PLCB4: variants seen among roughly 807,000 people sequenced by gnomAD.
The protein encoded by PLCB4 is phospholipase C beta 4.
PLCB4 carries 77 observed loss-of-function variants against 178.8 expected under a neutral mutation model. The observed-to-expected ratio is 0.43, with a 90% confidence interval of 0.36 to 0.52. The LOEUF (loss-of-function observed/expected upper bound fraction) is 0.52, where lower values mean the gene tolerates loss of function less well. PLCB4 is among the 20% of genes least tolerant of loss of function. The pLI is 0.00. For missense variants in PLCB4, 1,024 were observed against 1,453.4 expected (o/e 0.70, Z 4.80); for synonymous variants, 496 against 490.8 (o/e 1.01, Z -0.14).
In PLCB4 at chr20:9,400,474, TA is replaced by T. The variant is rs897611426; in HGVS notation, c.1511-1009del. Among the ~76,000 whole-genome samples, 63 of 152,308 alleles carry T rather than the reference TA, an allele frequency of 4.1e-4. 1 individual carries two copies. Among genetic ancestry groups the T allele is most frequent in the Non-Finnish European group, 5.0e-4 (34 of 68,016 alleles). On this transcript the variant is annotated intron_variant, in intron 19 of 39. Transcript: ENST00000378473. ...CTCCTTTGTACTTTTAAACATGCTT[TA>T]AAAAAATCTATCTCATTCTTATGGG...
At chr20:9,427,990 C>T (rs1384996057) in intron 28 of PLCB4, among the ~76,000 whole-genome samples, 2 of 152,168 alleles carry the variant, frequency 1.3e-5, no homozygotes, top group Non-Finnish European at 2.9e-5. Flanking sequence ...AAGTGACCCT[C>T]TATTTCTTTG....
chr20:9,471,297 A>C (rs1027223652), intron 36 of PLCB4, among the ~76,000 whole-genome samples: 4 of 152,200 alleles, frequency 2.6e-5, no homozygotes, highest in African/African-American at 9.6e-5. Context: ...TAAATTTAAA[A>C]AGCAAAAAAT....
intron 2 of PLCB4, among the ~76,000 whole-genome samples, chr20:9,181,509 A>C (rs1234858272): frequency 1.3e-5 from 2 of 152,130 alleles, no homozygotes; most frequent in African/African-American, 4.8e-5. Context: ...ACCGTTGTGG[A>C]GGCTGGAAGT....
intron 7 of PLCB4, among the ~76,000 whole-genome samples, chr20:9,346,061 T>C (rs16811): frequency 0.28 from 42,268 of 152,128 alleles, 8,895 homozygotes; most frequent in African/African-American, 0.6. Context: ...TACTGATATT[T>C]AACCACAGCA....
At chr20:9,129,707 G>A (rs879607702) in intron 2 of PLCB4, among the ~76,000 whole-genome samples, 15 of 152,098 alleles carry the variant, frequency 9.9e-5, no homozygotes, top group East Asian at 7.7e-4. Context: ...GTGATGTTCC[G>A]AATAAAATTA....
At chr20:9,086,714 G>A (rs2090438717) in intron 1 of PLCB4, among the ~76,000 whole-genome samples, 1 of 152,102 alleles carries the variant, frequency 6.6e-6, no homozygotes, top group African/African-American at 2.4e-5. Flanking sequence ...TGATCAAATA[G>A]GTTGGTTGCT....
rs536429567 is a variant in PLCB4, at chr20:9,102,118, T to G, written c.-79+5776T>G. Among the ~76,000 whole-genome samples, 62 of 152,310 alleles carry G rather than the reference T, an allele frequency of 4.1e-4. No individual in the cohort carries two copies. The Middle Eastern group carries it at 0.014, about 33-fold the overall frequency. ...CCTCAGCCTCCCAAATTGCTAGGATTACAGGCATGAGCCACCGCACCTGGC... is the reference window on the plus strand; with the variant it reads ...CCTCAGCCTCCCAAATTGCTAGGATGACAGGCATGAGCCACCGCACCTGGC... On this transcript the variant is annotated intron_variant, in intron 2 of 39. Transcript: ENST00000378473.
chr20:9,113,185 G>A (rs1490252191), intron 2 of PLCB4, among the ~76,000 whole-genome samples: 1 of 152,164 alleles, frequency 6.6e-6, no homozygotes, highest in Non-Finnish European at 1.5e-5. Context: ...TTCTTTTTCT[G>A]AGGGTTGTGC....
At chr20:9,190,194 C>T (rs763826669) in intron 2 of PLCB4, among the ~76,000 whole-genome samples, 3 of 152,062 alleles carry the variant, frequency 2.0e-5, no homozygotes, top group Non-Finnish European at 4.4e-5. Flanking sequence ...GGTGAGGATA[C>T]CTAGAAGCTG....
intron 3 of PLCB4, among the ~76,000 whole-genome samples, chr20:9,286,943 T>C (rs2223409): frequency 0.26 from 39,721 of 151,962 alleles, 5,352 homozygotes; most frequent in East Asian, 0.37. Context: ...GCCAGGTCTC[T>C]AGTCTGTGAG....
intron 2 of PLCB4, among the ~76,000 whole-genome samples, chr20:9,148,857 C>T (rs1313944228): frequency 6.6e-6 from 1 of 152,206 alleles, no homozygotes; most frequent in Admixed American, 6.5e-5. Context: ...CTTCCAGCCT[C>T]ATCCTTTTAG....
At chr20:9,394,217 T>C (rs896156138) in intron 18 of PLCB4, among the ~76,000 whole-genome samples, 3 of 152,192 alleles carry the variant, frequency 2.0e-5, no homozygotes, top group Non-Finnish European at 2.9e-5. Context: ...ATTAATGGTA[T>C]CAAATATTGG....
chr20:9,211,661 G>GATAA (rs10627315), intron 2 of PLCB4, among the ~76,000 whole-genome samples: 12,279 of 152,138 alleles, frequency 0.081, 1,115 homozygotes, highest in African/African-American at 0.22. Flanking sequence ...ATACAACCAT[G>GATAA]ATAATGATGG....
chr20:9,163,048 C>A lies in PLCB4; in HGVS notation c.-78-54342C>A, dbSNP rs568647831. On this transcript the variant is annotated intron_variant, in intron 2 of 39. Coordinates refer to ENST00000378473, the MANE Select transcript of PLCB4 (RefSeq NM_001377142.1). ...ACCTGGGGATGGGAATAGATGCACA[C>A]AGTTGTCTTTTGCAGGCCTTGGAAG... Among the ~76,000 whole-genome samples the A allele has an allele frequency of 5.5e-4, 83 of 152,222 alleles. 1 individual carries two copies. In the South Asian group the frequency reaches 0.014, roughly 26 times the overall value.
At chr20:9,153,025 C>T (rs1315638011) in intron 2 of PLCB4, among the ~76,000 whole-genome samples, 1 of 152,106 alleles carries the variant, frequency 6.6e-6, no homozygotes, top group South Asian at 2.1e-4. Context: ...CCCTGTAACC[C>T]CTTCGTTTTG....
At chr20:9,137,185 C>T (rs1005277067) in intron 2 of PLCB4, among the ~76,000 whole-genome samples, 5 of 152,078 alleles carry the variant, frequency 3.3e-5, no homozygotes, top group African/African-American at 1.2e-4. Flanking sequence ...TAATCCCTGC[C>T]CACACCTGGT....
intron 32 of PLCB4, among the ~76,000 whole-genome samples, chr20:9,446,106 C>T (rs1015032286): frequency 6.6e-6 from 1 of 152,170 alleles, no homozygotes; most frequent in Non-Finnish European, 1.5e-5. Flanking sequence ...CTGTGCTCAG[C>T]ACCTTATATG....
intron 2 of PLCB4, among the ~76,000 whole-genome samples, chr20:9,132,970 A>G (rs1303694353): frequency 6.6e-6 from 1 of 152,222 alleles, no homozygotes; most frequent in African/African-American, 2.4e-5. Flanking sequence ...CACAATGCCC[A>G]GGACCACCCC....
chr20:9,261,830 A>G (rs2094300473), intron 3 of PLCB4, among the ~76,000 whole-genome samples: 1 of 152,204 alleles, frequency 6.6e-6, no homozygotes. Context: ...ATACTCTCCA[A>G]TAAGTGAAAA....
Sources: allele counts gnomAD v4.1 joint callset (sites outside exome capture counted in the v4.1 genomes callset), GRCh38; gene constraint gnomAD v4.1.1; transcripts MANE v1.5; gene names NCBI Gene and HGNC (gene_info 2026-07-23, HGNC 2026-07-21).